The following CACNA1E variants were observed in gnomAD, a reference collection of about 807,000 sequenced individuals.
The protein encoded by CACNA1E is voltage-dependent R-type calcium channel subunit alpha-1E.
Under a neutral mutation model 259.2 loss-of-function variants are expected in CACNA1E, and 40 were observed. The ratio of observed to expected loss-of-function variants is 0.15; its 90% CI spans 0.12 to 0.20. CACNA1E has a LOEUF of 0.20. Ranked by LOEUF, CACNA1E falls within the 10% of genes least tolerant of loss-of-function variation. The pLI is 1.00. For synonymous variants in CACNA1E, 1,104 were observed against 1,138.5 expected (o/e 0.97, Z 0.61); for missense variants, 1,874 against 3,040.1 (o/e 0.62, Z 9.02).
chr1:181,733,192 G>A (rs1655682948), intron 20 of CACNA1E, among the ~76,000 whole-genome samples, 158 bp downstream of exon 20: 2 of 152,210 alleles, frequency 1.3e-5, no homozygotes, highest in Admixed American at 1.3e-4. Context: ...AACAGGCAGT[G>A]GGCTCTGTCC....
Position 181,756,038 on chromosome 1 carries a change from A to G in CACNA1E, c.4072A>G (p.Ile1358Val), listed in dbSNP as rs1275338345. The G allele has an allele frequency of 5.0e-6, 8 of 1,613,856 alleles. No individual in the cohort carries two copies. Among genetic ancestry groups the G allele is most frequent in the Non-Finnish European group, 6.8e-6 (8 of 1,179,822 alleles). Residue 1358 changes from isoleucine (I) to valine (V), a missense_variant, in exon 29 of 48, where the codon ATT becomes GTT. By Grantham distance (29) the Ile-to-Val change is conservative. This residue lies in a region of CACNA1E where 188 missense variants were observed against 540.6 expected (regional missense o/e 0.35). Transcript: ENST00000367573. The stretch of plus-strand genomic sequence containing the variant: ...GCGCCATGAATTCCACTACGACAAC[A>G]TTATCTGGGCCCTGCTGACCCTCTT... ...WKRHEFHYDNIIWALLTLFTV... is the reference protein window; with the variant it reads ...WKRHEFHYDNVIWALLTLFTV...
intron 3 of CACNA1E, among the ~76,000 whole-genome samples, chr1:181,532,897 A>C (rs1486086913): frequency 6.6e-6 from 1 of 152,212 alleles, no homozygotes; most frequent in Non-Finnish European, 1.5e-5. Context: ...CATTCGCTTT[A>C]TAGGTCTCCC....
chr1:181,347,007 G>A (rs1433654732), intron 1 of CACNA1E, among the ~76,000 whole-genome samples: 1 of 152,198 alleles, frequency 6.6e-6, no homozygotes, highest in Non-Finnish European at 1.5e-5. Flanking sequence ...GTCACTGACT[G>A]ACAGTCTTGG....
chr1:181,774,378 A>G (rs2102784636), intron 37 of CACNA1E, among the ~76,000 whole-genome samples: 1 of 152,358 alleles, frequency 6.6e-6, no homozygotes, highest in Non-Finnish European at 1.5e-5. Context: ...CCTCAGAGGC[A>G]GAAAGACAGG....
chr1:181,626,566 G>A (rs1656222675), intron 6 of CACNA1E, among the ~76,000 whole-genome samples: 1 of 152,184 alleles, frequency 6.6e-6, no homozygotes, highest in Non-Finnish European at 1.5e-5. Flanking sequence ...AGTTTTCAGT[G>A]TATGGACATG....
chr1:181,733,811 C>T, intron 21 of CACNA1E, 61 bp downstream of exon 21: 1 of 1,291,420 alleles, frequency 7.7e-7, no homozygotes, highest in Non-Finnish European at 1.0e-6. Context: ...GGGCTGGGGC[C>T]ATGACAATAA....
chr1:181,362,223 T>C lies in CACNA1E; in HGVS notation c.-15+44100T>C, dbSNP rs75312805. On this transcript the variant is annotated intron_variant, in intron 1 of 11. Coordinates refer to the CACNA1E transcript ENST00000524607. The stretch of plus-strand genomic sequence containing the variant: ...AAGGAGAAGTGCTTTGTCCCAATCA[T>C]GAGCACACAGCTCTGTGTCTGTCAA... 7.0e-3 allele frequency among the ~76,000 whole-genome samples: 1,072 copies of C among 152,348 alleles called. 11 individuals carry two copies. The highest frequency in any genetic ancestry group is 0.024 in the African/African-American group (1,018 of 41,572).
intron 1 of CACNA1E, among the ~76,000 whole-genome samples, chr1:181,382,579 C>T (rs915884119): frequency 2.0e-5 from 3 of 152,132 alleles, no homozygotes; most frequent in Non-Finnish European, 4.4e-5. Flanking sequence ...ATGACCAAAT[C>T]ATTTGGGCCT....
At chr1:181,534,864 A>C (rs748408436) in intron 3 of CACNA1E, among the ~76,000 whole-genome samples, 8 of 152,118 alleles carry the variant, frequency 5.3e-5, no homozygotes, top group African/African-American at 1.9e-4. Flanking sequence ...TTATTTTTTA[A>C]AAGTCAGAGG....
intron 7 of CACNA1E, among the ~76,000 whole-genome samples, chr1:181,662,726 C>A (rs1378768609): frequency 6.6e-6 from 1 of 152,126 alleles, no homozygotes; most frequent in Non-Finnish European, 1.5e-5. Flanking sequence ...TGGGAAAGAG[C>A]CATTCTTACC....
At position 181,641,696 on chromosome 1, in the gene CACNA1E, A is replaced by ATTTT. The variant is rs1369217611; in HGVS notation, c.952-9639_952-9636dup. On this transcript the variant is annotated intron_variant, in intron 6 of 47. Coordinates refer to ENST00000367573, the MANE Select transcript of CACNA1E (RefSeq NM_001205293.3). ...CAAATGAGATCATGAGGCAACACTA[A>ATTTT]TTTTTTGTTTTTTTTTTTTTTTTTT... Among the ~76,000 whole-genome samples the ATTTT allele has an allele frequency of 3.0e-3, 310 of 104,026 alleles. 11 individuals carry two copies. The highest frequency in any genetic ancestry group is 0.012 in the African/African-American group (285 of 24,696). The allele number at this position is 104,026 out of a possible 152,430, so 68.2% of individuals were successfully genotyped here.
At position 181,807,650 on chromosome 1, in the gene CACNA1E, A is replaced by G. The variant is rs1662723004; in HGVS notation, c.*8816A>G. On this transcript the variant is annotated 3_prime_UTR_variant, in exon 48 of 48. Coordinates refer to ENST00000367573, the MANE Select transcript of CACNA1E (RefSeq NM_001205293.3). ...AGATAGAAACCAGCATTCCAAAATA[A>G]GTCCCCTAAGTTTGTAGTTTGAGCC... 6.6e-6 allele frequency: 1 copy of G among 151,982 alleles called. No homozygotes were observed. The highest frequency in any genetic ancestry group is 2.4e-5 in the African/African-American group (1 of 41,382). 9.4% of individuals were successfully genotyped at this position (151,982 alleles called of 1,614,324 possible). A position where few individuals can be genotyped will look rare whatever the true frequency, so the allele number is the denominator to read the frequency against.
intron 2 of CACNA1E, among the ~76,000 whole-genome samples, chr1:181,453,165 AG>A (rs1368244445): frequency 6.6e-6 from 1 of 152,222 alleles, no homozygotes. Context: ...CTTTTTTTAA[AG>A]GCTACAGTTT....
chr1:181,708,692 G>C (rs1653040147), intron 7 of CACNA1E, among the ~76,000 whole-genome samples: 1 of 152,196 alleles, frequency 6.6e-6, no homozygotes, highest in Non-Finnish European at 1.5e-5. Context: ...GAAAGGCCTG[G>C]GTTCTAATCT....
At chr1:181,795,534 G>A (rs186660423) in intron 46 of CACNA1E, among the ~76,000 whole-genome samples, 11 of 150,556 alleles carry the variant, frequency 7.3e-5, no homozygotes, top group African/African-American at 2.7e-4. Flanking sequence ...TCTGCCTCCC[G>A]GGTTCACACC....
chr1:181,615,283 C>T (rs1250065800), intron 6 of CACNA1E, among the ~76,000 whole-genome samples: 1 of 152,086 alleles, frequency 6.6e-6, no homozygotes, highest in Non-Finnish European at 1.5e-5. Flanking sequence ...CTCTGCCTCC[C>T]GGGTTCGAGC....
chr1:181,440,862 A>G (rs897873280), intron 2 of CACNA1E, among the ~76,000 whole-genome samples: 9 of 151,772 alleles, frequency 5.9e-5, no homozygotes, highest in Admixed American at 5.9e-4. Flanking sequence ...GCTCATGCCT[A>G]TGATCCTACT....
chr1:181,747,580 GT>G (rs1657212171), intron 25 of CACNA1E, among the ~76,000 whole-genome samples: 1 of 151,676 alleles, frequency 6.6e-6, no homozygotes, highest in African/African-American at 2.4e-5. Context: ...GTGTGGAATT[GT>G]CCTTAGATTT....
intron 6 of CACNA1E, among the ~76,000 whole-genome samples, chr1:181,645,291 TG>T (rs1461322659): frequency 6.6e-6 from 1 of 152,192 alleles, no homozygotes; most frequent in African/African-American, 2.4e-5. Context: ...ATCTAGAGGC[TG>T]GTTGTCCAGT....
Sources: allele counts gnomAD v4.1 joint callset (sites outside exome capture counted in the v4.1 genomes callset), GRCh38; gene constraint gnomAD v4.1.1; regional missense constraint gnomAD v4.1.1; transcripts MANE v1.5; gene names NCBI Gene and HGNC (gene_info 2026-07-23, HGNC 2026-07-21).